MFAP4: variants seen among roughly 807,000 people sequenced by gnomAD.
MFAP4 encodes the protein microfibril-associated glycoprotein 4.
In MFAP4, 20 loss-of-function variants were observed where a neutral mutation model predicts 32.4. The ratio of observed to expected loss-of-function variants is 0.62; its 90% CI spans 0.43 to 0.90. The LOEUF (loss-of-function observed/expected upper bound fraction) is 0.90, where lower values mean the gene tolerates loss of function less well. Ranked by LOEUF, MFAP4 falls within the 40% of genes least tolerant of loss-of-function variation. MFAP4 has a pLI of 0.00. For synonymous variants in MFAP4, 146 were observed against 137.4 expected (o/e 1.06, Z -0.44); for missense variants, 267 against 329.5 (o/e 0.81, Z 1.47).
chr17:19,386,554 G>A, intron 2 of MFAP4, 90 bp from the exon 3 acceptor site: 2 of 1,446,714 alleles, frequency 1.4e-6, no homozygotes, highest in Non-Finnish European at 1.9e-6. Flanking sequence ...AGTCCCTGGG[G>A]CTGGGGGACT....
At position 19,384,693 on chromosome 17, in the gene MFAP4, G is replaced by T; in HGVS notation, c.537C>A (p.Tyr179Ter). Residue 179 changes from tyrosine to a stop codon, truncating the protein, a stop_gained, in exon 6 of 6, where the codon TAC becomes TAA. Transcript: ENST00000299610. LOFTEE classifies it high-confidence loss of function. ...EDGGAGDSLSYHSGQKFSTFD... is the reference protein window; with the variant it reads ...EDGGAGDSLS ...AGGTAGAGAACTTCTGGCCACTGTG[G>T]TAGGACAGGGAGTCACCTGGCAGAG... 1 of 1,614,170 alleles carries T rather than the reference G, an allele frequency of 6.2e-7. No homozygotes were observed. The highest frequency in any genetic ancestry group is 8.5e-7 in the Non-Finnish European group (1 of 1,180,016).
In MFAP4 at chr17:19,384,189, C is replaced by T. The variant is rs1912935703; in HGVS notation, c.*273G>A. On this transcript the variant is annotated 3_prime_UTR_variant, in exon 6 of 6. Coordinates refer to ENST00000299610, the MANE Select transcript of MFAP4 (RefSeq NM_002404.3). ...TGGAGGCAACTCATTCTCATGGAGC[C>T]CAGCCAGGTCCAGGCTAGAACCATG... 2 of 444,326 alleles carry T rather than the reference C, an allele frequency of 4.5e-6. No homozygotes were observed. Among genetic ancestry groups the T allele is most frequent in the Non-Finnish European group, 8.3e-6 (2 of 239,794 alleles). 27.5% of individuals were successfully genotyped at this position (444,326 alleles called of 1,614,324 possible). A position where few individuals can be genotyped will look rare whatever the true frequency, so the allele number is the denominator to read the frequency against.
chr17:19,386,972 T>TGCCGGGGGC, intron 1 of MFAP4, 134 bp from the exon 2 acceptor site: 19 of 936,998 alleles, frequency 2.0e-5, no homozygotes, highest in Non-Finnish European at 3.2e-5. Context: ...TGGCCCCTCT[T>TGCCGGGGGC]CCCTGCCCCC....
At chr17:19,385,550 T>G in intron 3 of MFAP4, 96 bp from the exon 4 acceptor site, 10 of 738,988 alleles carry the variant, frequency 1.4e-5, no homozygotes, top group African/African-American at 3.7e-5. Context: ...TGTGATGCTG[T>G]GGCCAGTTTG....
Position 19,385,266 on chromosome 17 carries a change from T to C in MFAP4, c.353A>G (p.His118Arg), listed in dbSNP as rs1200220860. Residue 118 changes from histidine to arginine, a missense_variant, in exon 5 of 6, where the codon CAC becomes CGC. Around this residue, in one of 3 missense-constraint regions of MFAP4, gnomAD observed 223 missense variants for 253.3 expected, o/e 0.88. Coordinates refer to ENST00000299610, the MANE Select transcript of MFAP4 (RefSeq NM_002404.3). ...ATACTTCTGCTTCAGTGTCAGGAGG[T>C]GCATGTTCTGCAGCCCTGGGGAGGA... ...GEYWLGLQNM[H>R]LLTLKQKYEL... 6.2e-7 allele frequency: 1 copy of C among 1,614,098 alleles called. No individual in the cohort carries two copies. The highest frequency in any genetic ancestry group is 1.1e-5 in the South Asian group (1 of 91,094).
In MFAP4 at chr17:19,384,379, G is replaced by A. The variant is rs1912942317; in HGVS notation, c.*83C>T. Reference sequence around the variant, plus strand: ...AGTTGGTGCTCGGGAATCAGCAGAAGCATGCATCAGGGGCAGCAGAGGGAG... The same window carrying A: ...AGTTGGTGCTCGGGAATCAGCAGAAACATGCATCAGGGGCAGCAGAGGGAG... On this transcript the variant is annotated 3_prime_UTR_variant, in exon 6 of 6. Coordinates refer to ENST00000299610, the MANE Select transcript of MFAP4 (RefSeq NM_002404.3). 2 of 1,458,438 alleles carry A rather than the reference G, an allele frequency of 1.4e-6. No individual in the cohort carries two copies. Among genetic ancestry groups the A allele is most frequent in the Non-Finnish European group, 1.8e-6 (2 of 1,083,102 alleles). The allele number at this position is 1,458,438 out of a possible 1,614,324, so 90.3% of individuals were successfully genotyped here. A position where few individuals can be genotyped will look rare whatever the true frequency, so the allele number is the denominator to read the frequency against.
intron 2 of MFAP4, 57 bp from the exon 3 acceptor site, chr17:19,386,521 C>T: frequency 1.3e-6 from 2 of 1,562,440 alleles, no homozygotes; most frequent in Non-Finnish European, 8.7e-7. Flanking sequence ...TCACTGACAC[C>T]TCAGCACCCC....
rs748366601 is a variant in MFAP4, at chr17:19,386,410, T to C, written c.140A>G (p.Gln47Arg). The change falls in exon 3 of 6, where the codon CAG (glutamine) becomes CGG (arginine). Residue 47 changes from glutamine (Q) to arginine (R), a missense_variant. Transcript: ENST00000299610. ...GTACACGCCGTCTGACTGGTAGCCC[T>C]GGGCATAGATGTCGTCACAGTCCAG... ...QPLDCDDIYA[Q>R]GYQSDGVYLI... 6.2e-7 allele frequency: 1 copy of C among 1,613,946 alleles called. No individual in the cohort carries two copies. Among genetic ancestry groups the C allele is most frequent in the Non-Finnish European group, 8.5e-7 (1 of 1,179,976 alleles).
intron 1 of MFAP4, 24 bp from the exon 2 acceptor site, chr17:19,386,862 G>A (rs1419682415): frequency 2.6e-6 from 4 of 1,550,828 alleles, no homozygotes; most frequent in East Asian, 4.9e-5. Context: ...GACAGGGTCA[G>A]CACAGCCCCT....
At chr17:19,386,560 G>A in intron 2 of MFAP4, 96 bp from the exon 3 acceptor site, 1 of 1,407,400 alleles carries the variant, frequency 7.1e-7, no homozygotes, top group East Asian at 2.3e-5. Context: ...TGGGGCTGGG[G>A]GACTTTGACA....
At position 19,384,433 on chromosome 17, in the gene MFAP4, G is replaced by A; in HGVS notation, c.*29C>T. Reference sequence around the variant, plus strand: ...TCATGGAGACCATGGGTGTCCAGGGGAGGAAAGGTGCCTGAGGGGGCCAGC... The same window carrying A: ...TCATGGAGACCATGGGTGTCCAGGGAAGGAAAGGTGCCTGAGGGGGCCAGC... On this transcript the variant is annotated 3_prime_UTR_variant, in exon 6 of 6. Coordinates refer to ENST00000299610, the MANE Select transcript of MFAP4 (RefSeq NM_002404.3). 6.4e-7 allele frequency: 1 copy of A among 1,550,972 alleles called. No homozygotes were observed. Among genetic ancestry groups the A allele is most frequent in the Non-Finnish European group, 8.7e-7 (1 of 1,146,140 alleles).
At chr17:19,386,984 C>CCCCCCCCCCCCCCACCA in intron 1 of MFAP4, 146 bp from the exon 2 acceptor site, 1 of 908,262 alleles carries the variant, frequency 1.1e-6, no homozygotes, top group East Asian at 2.7e-5. Flanking sequence ...CCTGCCCCCC[C>CCCCCCCCCCCCCCACCA]ACCCCGCCCG....
chr17:19,386,977 G>GGCCCCCC, intron 1 of MFAP4, 139 bp from the exon 2 acceptor site: 2 of 689,452 alleles, frequency 2.9e-6, no homozygotes, highest in South Asian at 1.8e-5. Flanking sequence ...CCTCTTCCCT[G>GGCCCCCC]CCCCCCCACC....
In MFAP4 at chr17:19,386,430, G is replaced by A. The variant is rs540941502; in HGVS notation, c.120C>T (p.Asp40=). 3.7e-6 allele frequency: 6 copies of A among 1,613,902 alleles called. No individual in the cohort carries two copies. In the African/African-American group the frequency reaches 5.3e-5, roughly 14 times the overall value. The part of the protein sequence containing the change: ...LERFCLQQPL[D]CDDIYAQGYQ... ...AGCCCTGGGCATAGATGTCGTCACA[G>A]TCCAGGGGTTGCTGAAGGCAAAACC... Residue 40 remains aspartate, a synonymous_variant, in exon 3 of 6, where the codon GAC becomes GAT. Transcript: ENST00000299610.
Position 19,384,693 on chromosome 17 carries a change from G to A in MFAP4, c.537C>T (p.Tyr179=), listed in dbSNP as rs1912957613. The part of the protein sequence containing the change: ...EDGGAGDSLS[Y]HSGQKFSTFD... ...AGGTAGAGAACTTCTGGCCACTGTG[G>A]TAGGACAGGGAGTCACCTGGCAGAG... Residue 179 remains tyrosine (Y), a synonymous_variant, in exon 6 of 6, where the codon TAC becomes TAT. Transcript: ENST00000299610. 2 of 1,614,052 alleles carry A rather than the reference G, an allele frequency of 1.2e-6. No individual in the cohort carries two copies. Among genetic ancestry groups the A allele is most frequent in the African/African-American group, 2.7e-5 (2 of 74,940 alleles).
chr17:19,385,200 G>T lies in MFAP4; in HGVS notation c.419C>A (p.Ala140Asp). ...GGAGAAGTCAGCGTACTTGGCATAG[G>T]CCGTGTTGTTCTCAAAGTCCTCCAA... is the stretch of plus-strand genomic sequence containing the variant. ...VDLEDFENNTAYAKYADFSIS... is the reference protein window; with the variant it reads ...VDLEDFENNTDYAKYADFSIS... The change falls in exon 5 of 6, where the codon GCC becomes GAC. Residue 140 changes from alanine to aspartate, a missense_variant. Transcript: ENST00000299610. The T allele has an allele frequency of 6.2e-7, 1 of 1,614,270 alleles. No homozygotes were observed. The highest frequency in any genetic ancestry group is 8.5e-7 in the Non-Finnish European group (1 of 1,180,042).
intron 1 of MFAP4, 130 bp downstream of exon 1, chr17:19,387,020 C>T: frequency 7.5e-7 from 1 of 1,328,384 alleles, no homozygotes; most frequent in Non-Finnish European, 1.0e-6. Flanking sequence ...CTCTGGGACG[C>T]TGTGTACCCT....
chr17:19,386,985 A>AAACC, intron 1 of MFAP4, 147 bp from the exon 2 acceptor site: 1 of 317,372 alleles, frequency 3.2e-6, no homozygotes, highest in Non-Finnish European at 6.1e-6. Flanking sequence ...CTGCCCCCCC[A>AAACC]CCCCGCCCGC....
chr17:19,386,100 T>C (rs1318210485), intron 3 of MFAP4, among the ~76,000 whole-genome samples: 1 of 152,190 alleles, frequency 6.6e-6, no homozygotes, highest in Non-Finnish European at 1.5e-5. Flanking sequence ...CAAGCCTGGA[T>C]GACAGAGTGA....
Sources: gnomAD v4.1 joint callset for allele counts (sites outside exome capture counted in the v4.1 genomes callset) on GRCh38, gnomAD v4.1.1 for gene constraint, gnomAD v4.1.1 regional missense constraint, MANE v1.5 for transcripts, NCBI Gene and HGNC (gene_info 2026-07-23, HGNC 2026-07-21) for gene names.